Variants in IGSF10 observed in about 807,000 individuals in gnomAD.
IGSF10 encodes the protein calvaria mechanical force protein 608.
Under a neutral mutation model 128.2 loss-of-function variants are expected in IGSF10, and 126 were observed. The ratio of observed to expected loss-of-function variants is 0.98; its 90% CI spans 0.85 to 1.14. The LOEUF (loss-of-function observed/expected upper bound fraction) is 1.14, where lower values mean the gene tolerates loss of function less well. Among genes scored for constraint, IGSF10 ranks in the 50% most tolerant of loss-of-function variants. The pLI, the probability that IGSF10 is intolerant of heterozygous loss-of-function variation, is 0.00. For missense variants in IGSF10, 3,295 were observed against 3,149.8 expected (o/e 1.05, Z -1.10); for synonymous variants, 1,185 against 1,146.2 (o/e 1.03, Z -0.68).
chr3:151,478,197 T>C, the IGSF10 span, among the ~76,000 whole-genome samples: 1 of 152,164 alleles, frequency 6.6e-6, no homozygotes, highest in Non-Finnish European at 1.5e-5. Flanking sequence ...TAGCTCACCA[T>C]AGGAACACAG....
the IGSF10 span, among the ~76,000 whole-genome samples, chr3:151,560,472 A>G: frequency 8.5e-5 from 13 of 152,118 alleles, no homozygotes; most frequent in East Asian, 2.5e-3. Context: ...AATTAAAATT[A>G]TTTTTCTCCC....
the IGSF10 span, among the ~76,000 whole-genome samples, chr3:151,487,368 C>G: frequency 6.6e-6 from 1 of 152,120 alleles, no homozygotes; most frequent in African/African-American, 2.4e-5. Flanking sequence ...AAGTCCAAGA[C>G]CAGACAGACT....
the IGSF10 span, among the ~76,000 whole-genome samples, chr3:151,594,764 AAG>A: frequency 6.6e-6 from 1 of 151,984 alleles, no homozygotes; most frequent in Admixed American, 6.5e-5. Context: ...AAATAGCTAA[AAG>A]AGAAGATTTT....
the IGSF10 span, among the ~76,000 whole-genome samples, chr3:151,577,863 G>T: frequency 2.6e-5 from 4 of 152,170 alleles, no homozygotes; most frequent in African/African-American, 4.8e-5. Flanking sequence ...TAAAGCATGG[G>T]AAAACAAGGA....
At chr3:151,616,721 T>C in the IGSF10 span, among the ~76,000 whole-genome samples, 1 of 152,240 alleles carries the variant, frequency 6.6e-6, no homozygotes, top group Non-Finnish European at 1.5e-5. Context: ...ATATTCTAAT[T>C]TATAAAGAGC....
At chr3:151,542,024 TCTC>T in the IGSF10 span, among the ~76,000 whole-genome samples, 2 of 152,176 alleles carry the variant, frequency 1.3e-5, no homozygotes, top group South Asian at 2.1e-4. Flanking sequence ...CCAACTCCCT[TCTC>T]CTCTCATTCA....
At chr3:151,513,410 A>C in the IGSF10 span, among the ~76,000 whole-genome samples, 1 of 152,220 alleles carries the variant, frequency 6.6e-6, no homozygotes. Context: ...GGCCTGACAA[A>C]ATTCAACAAC....
chr3:151,605,322 CAT>C, the IGSF10 span, among the ~76,000 whole-genome samples: 1 of 152,124 alleles, frequency 6.6e-6, no homozygotes, highest in African/African-American at 2.4e-5. Flanking sequence ...CAATTGTACC[CAT>C]ATCTGTGGAT....
chr3:151,533,735 T>C, the IGSF10 span, among the ~76,000 whole-genome samples: 13 of 152,188 alleles, frequency 8.5e-5, no homozygotes, highest in Non-Finnish European at 4.4e-5. Context: ...ATTCAGGACA[T>C]AGGCATGGGC....
chr3:151,454,507 A>T (rs1247939244), intron 4 of IGSF10, among the ~76,000 whole-genome samples: 7 of 152,068 alleles, frequency 4.6e-5, no homozygotes, highest in African/African-American at 9.7e-5. Flanking sequence ...TGAGTCCATA[A>T]CTATTGCAGC....
the IGSF10 span, among the ~76,000 whole-genome samples, chr3:151,533,627 T>A: frequency 6.6e-6 from 1 of 152,124 alleles, no homozygotes; most frequent in Admixed American, 6.5e-5. Flanking sequence ...CTGGACCCCT[T>A]CCTTACACCT....
chr3:151,456,369 A>C (rs139372646), intron 4 of IGSF10, among the ~76,000 whole-genome samples: 1 of 152,250 alleles, frequency 6.6e-6, no homozygotes. Flanking sequence ...TGATTTAAAA[A>C]TCATACATGG....
chr3:151,589,475 G>A, the IGSF10 span, among the ~76,000 whole-genome samples: 1 of 152,154 alleles, frequency 6.6e-6, no homozygotes, highest in African/African-American at 2.4e-5. Flanking sequence ...TGGCCAGGGA[G>A]ACCAGAGACC....
chr3:151,601,319 G>C, the IGSF10 span, among the ~76,000 whole-genome samples: 1 of 152,046 alleles, frequency 6.6e-6, no homozygotes, highest in Non-Finnish European at 1.5e-5. Flanking sequence ...TAGAATAATA[G>C]CAAAAACAGA....
At chr3:151,548,222 A>C in the IGSF10 span, among the ~76,000 whole-genome samples, 1 of 152,178 alleles carries the variant, frequency 6.6e-6, no homozygotes, top group Non-Finnish European at 1.5e-5. Flanking sequence ...TGACTACCCT[A>C]AACATTATGC....
chr3:151,589,086 C>A, the IGSF10 span, among the ~76,000 whole-genome samples: 1 of 152,006 alleles, frequency 6.6e-6, no homozygotes, highest in Non-Finnish European at 1.5e-5. Flanking sequence ...TATAAATTAA[C>A]ACATTTTCTT....
the IGSF10 span, among the ~76,000 whole-genome samples, chr3:151,553,080 T>C: frequency 6.6e-6 from 1 of 152,128 alleles, no homozygotes; most frequent in Admixed American, 6.6e-5. Context: ...TAAATGTAGC[T>C]TTATAATATA....
At chr3:151,460,378 T>G in intron 1 of IGSF10, 31 bp from the exon 2 acceptor site, 1 of 744,684 alleles carries the variant, frequency 1.3e-6, no homozygotes, top group Non-Finnish European at 1.6e-6. Context: ...TGCTCCAAAG[T>G]GAGCAAAAAG....
At chr3:151,466,936 C>T in the IGSF10 span, among the ~76,000 whole-genome samples, 8 of 151,630 alleles carry the variant, frequency 5.3e-5, no homozygotes, top group East Asian at 1.9e-4. Flanking sequence ...TTAAGATGGT[C>T]GAAATGAGGA....
Sources: gnomAD v4.1 joint callset for allele counts (sites outside exome capture counted in the v4.1 genomes callset) on GRCh38, gnomAD v4.1.1 for gene constraint, MANE v1.5 for transcripts, NCBI Gene and HGNC (gene_info 2026-07-23, HGNC 2026-07-21) for gene names.